Variants in COL26A1 observed in about 807,000 individuals in gnomAD.
The protein encoded by COL26A1 is collagen type XXVI alpha 1 chain, also known as collagen alpha-1(XXVI) chain.
COL26A1 carries 41 observed loss-of-function variants against 59.3 expected under a neutral mutation model. That is an observed-to-expected ratio of 0.69 (90% CI 0.54 to 0.90). COL26A1 has a LOEUF of 0.90. COL26A1 is among the 40% of genes least tolerant of loss of function. COL26A1 has a pLI of 0.00. For missense variants in COL26A1, 612 were observed against 602.3 expected, an observed-to-expected ratio of 1.02 and a Z score of -0.17; for synonymous variants, 266 against 256.0, an observed-to-expected ratio of 1.04 and a Z score of -0.37.
intron 1 of COL26A1, among the ~76,000 whole-genome samples, chr7:101,378,805 C>T (rs746503969): frequency 1.1e-4 from 17 of 152,054 alleles, no homozygotes; most frequent in African/African-American, 2.2e-4. Context: ...CGAGAATCTC[C>T]GACAGTTCCC....
chr7:101,422,309 C>T (rs1213807061), intron 2 of COL26A1, among the ~76,000 whole-genome samples: 2 of 108,582 alleles, frequency 1.8e-5, no homozygotes, highest in Non-Finnish European at 3.6e-5. Flanking sequence ...AAAACTCCAT[C>T]TCAAAAAAAA....
At chr7:101,403,776 G>T (rs1204548722) in intron 1 of COL26A1, among the ~76,000 whole-genome samples, 1 of 152,026 alleles carries the variant, frequency 6.6e-6, no homozygotes, top group Admixed American at 6.6e-5. Context: ...AAGACTCCAG[G>T]ATTATCCTGG....
intron 1 of COL26A1, among the ~76,000 whole-genome samples, chr7:101,391,554 C>G (rs1194577713): frequency 6.6e-6 from 1 of 152,034 alleles, no homozygotes; most frequent in Non-Finnish European, 1.5e-5. Context: ...CATTTGGACC[C>G]TATTTTTATT....
chr7:101,467,956 G>A (rs910538348), intron 3 of COL26A1, among the ~76,000 whole-genome samples: 6 of 152,140 alleles, frequency 3.9e-5, no homozygotes, highest in Non-Finnish European at 4.4e-5. Flanking sequence ...CACGGCTGCC[G>A]GCATTTACAT....
intron 3 of COL26A1, among the ~76,000 whole-genome samples, chr7:101,452,320 T>C (rs1467279698): frequency 6.6e-6 from 1 of 152,128 alleles, no homozygotes; most frequent in Admixed American, 6.6e-5. Flanking sequence ...CCAAGTAGGT[T>C]CATGTGGGGC....
intron 3 of COL26A1, among the ~76,000 whole-genome samples, chr7:101,512,853 A>G (rs1469251564): frequency 6.6e-6 from 1 of 152,162 alleles, no homozygotes; most frequent in African/African-American, 2.4e-5. Flanking sequence ...ATAGAGTTTG[A>G]TGAACTTCAA....
chr7:101,368,831 A>T (rs1037880018), intron 1 of COL26A1, among the ~76,000 whole-genome samples: 1 of 151,554 alleles, frequency 6.6e-6, no homozygotes, highest in Non-Finnish European at 1.5e-5. Context: ...ACTCTTTTTA[A>T]AATTCGTAAT....
intron 1 of COL26A1, among the ~76,000 whole-genome samples, chr7:101,418,144 T>G (rs895107850): frequency 1.3e-5 from 2 of 151,790 alleles, no homozygotes; most frequent in Admixed American, 6.6e-5. Context: ...GGATTATGAG[T>G]GTGAGCCACC....
chr7:101,519,793 G>A (rs552747949), intron 3 of COL26A1, among the ~76,000 whole-genome samples: 38 of 152,158 alleles, frequency 2.5e-4, no homozygotes, highest in East Asian at 3.9e-4. Flanking sequence ...TCATCTGGGC[G>A]TCCAGTGTTC....
At chr7:101,408,386 G>C (rs527791853) in intron 1 of COL26A1, among the ~76,000 whole-genome samples, 82 of 152,330 alleles carry the variant, frequency 5.4e-4, no homozygotes, top group African/African-American at 1.8e-3. Flanking sequence ...GCCTCCACCA[G>C]TCACAGGATG....
In COL26A1 at chr7:101,557,843, A is replaced by G; in HGVS notation, c.*313A>G. ...CATCATTTATTGAGTCCCTGCTGTA[A>G]CTGGCCCTGTCCAGGGAACTTTCGT... is the stretch of plus-strand genomic sequence containing the variant. On this transcript the variant is annotated 3_prime_UTR_variant, in exon 13 of 13. Coordinates refer to ENST00000313669, the MANE Select transcript of COL26A1 (RefSeq NM_001278563.3). 1 of 266,960 alleles carries G rather than the reference A, an allele frequency of 3.7e-6. No homozygotes were observed. Among genetic ancestry groups the G allele is most frequent in the African/African-American group, 2.2e-5 (1 of 45,702 alleles). The allele number at this position is 266,960 out of a possible 1,614,324, so 16.5% of individuals were successfully genotyped here.
intron 3 of COL26A1, among the ~76,000 whole-genome samples, chr7:101,467,400 G>A (rs917503151): frequency 1.4e-5 from 2 of 146,596 alleles, no homozygotes; most frequent in African/African-American, 4.9e-5. Flanking sequence ...TGAGCCTGAA[G>A]AGGCAGAGTC....
intron 2 of COL26A1, among the ~76,000 whole-genome samples, chr7:101,436,211 G>T (rs1792910706): frequency 6.6e-6 from 1 of 152,202 alleles, no homozygotes; most frequent in South Asian, 2.1e-4. Flanking sequence ...ATTCCGTCTG[G>T]CTCTCGGGAA....
At chr7:101,411,075 C>T (rs1383774554) in intron 1 of COL26A1, among the ~76,000 whole-genome samples, 1 of 152,148 alleles carries the variant, frequency 6.6e-6, no homozygotes, top group Admixed American at 6.5e-5. Context: ...CTGGACACCC[C>T]CAACCTTGAG....
intron 3 of COL26A1, among the ~76,000 whole-genome samples, chr7:101,461,996 CTTT>C (rs531100830): frequency 6.4e-4 from 76 of 117,900 alleles, no homozygotes; most frequent in African/African-American, 1.2e-3. Flanking sequence ...CCACGGAGCA[CTTT>C]TTTTTTTTTT....
At chr7:101,547,903 G>C (rs1795775119) in intron 8 of COL26A1, among the ~76,000 whole-genome samples, 1 of 152,212 alleles carries the variant, frequency 6.6e-6, no homozygotes, top group South Asian at 2.1e-4. Context: ...ACATGTGCCA[G>C]ACAGTGATCT....
At chr7:101,488,195 C>T (rs997464379) in intron 3 of COL26A1, among the ~76,000 whole-genome samples, 4 of 150,270 alleles carry the variant, frequency 2.7e-5, no homozygotes, top group Non-Finnish European at 5.9e-5. Context: ...GCACAAGAAT[C>T]GCTTGAACCC....
At chr7:101,362,727 C>A (rs1584338049), upstream of COL26A1, 1 of 437,420 alleles carries the variant, frequency 2.3e-6, no homozygotes, top group East Asian at 4.8e-5. Flanking sequence ...CCAGGGACCT[C>A]CTGCGGAGCT....
intron 11 of COL26A1, among the ~76,000 whole-genome samples, chr7:101,555,126 C>A (rs544745649): frequency 6.6e-6 from 1 of 152,156 alleles, no homozygotes; most frequent in African/African-American, 2.4e-5. Context: ...AGAGTGGCCT[C>A]GACACCTGCC....
Sources: gnomAD v4.1 joint callset for allele counts (sites outside exome capture counted in the v4.1 genomes callset) on GRCh38, gnomAD v4.1.1 for gene constraint, MANE v1.5 for transcripts, NCBI Gene and HGNC (gene_info 2026-07-23, HGNC 2026-07-21) for gene names.